Variants in SMG7 observed in about 807,000 individuals in gnomAD.
SMG7 encodes nonsense-mediated mRNA decay factor SMG7.
A neutral mutation model predicts 148.2 loss-of-function variants in SMG7; 34 were observed. The ratio of observed to expected loss-of-function variants is 0.23; its 90% CI spans 0.17 to 0.31. The LOEUF is 0.31. SMG7 is among the 10% of genes least tolerant of loss of function. SMG7 has a pLI of 1.00. For missense variants in SMG7, 1,114 were observed against 1,408.4 expected (o/e 0.79, Z 3.35); for synonymous variants, 492 against 515.1 (o/e 0.96, Z 0.61).
At chr1:183,541,175 C>T (rs570790457) in intron 13 of SMG7, 72 bp downstream of exon 13, 139 of 1,308,284 alleles carry the variant, frequency 1.1e-4, no homozygotes, top group Admixed American at 3.7e-4. Flanking sequence ...CACACGCGCG[C>T]GCACACACAC....
chr1:183,542,862 G>C (rs1669120711), intron 14 of SMG7, among the ~76,000 whole-genome samples: 1 of 150,902 alleles, frequency 6.6e-6, no homozygotes, highest in African/African-American at 2.4e-5. Flanking sequence ...TGTAGATCCA[G>C]TAGAACCAAG....
At chr1:183,475,476 T>C (rs1009269110) in intron 1 of SMG7, among the ~76,000 whole-genome samples, 1 of 152,246 alleles carries the variant, frequency 6.6e-6, no homozygotes, top group African/African-American at 2.4e-5. Flanking sequence ...GATGATTTGC[T>C]AGAATTAATA....
intron 1 of SMG7, among the ~76,000 whole-genome samples, chr1:183,479,699 G>A (rs2102055383): frequency 6.6e-6 from 1 of 152,270 alleles, no homozygotes; most frequent in South Asian, 2.1e-4. Flanking sequence ...CCGGGGTTAT[G>A]CCTTTGGCAA....
At chr1:183,516,717 T>C (rs770886567) in intron 3 of SMG7, among the ~76,000 whole-genome samples, 5 of 152,240 alleles carry the variant, frequency 3.3e-5, no homozygotes, top group Non-Finnish European at 5.9e-5. Flanking sequence ...CTGCCTTAGA[T>C]ACTTTATATT....
intron 1 of SMG7, among the ~76,000 whole-genome samples, chr1:183,507,918 T>C (rs1192827947): frequency 6.6e-6 from 1 of 152,226 alleles, no homozygotes; most frequent in Non-Finnish European, 1.5e-5. Context: ...TAATTTTTCC[T>C]ATTATTTAAT....
intron 13 of SMG7, 24 bp downstream of exon 13, chr1:183,541,127 C>T (rs1668742939): frequency 3.1e-6 from 5 of 1,608,154 alleles, no homozygotes; most frequent in South Asian, 2.2e-5. Flanking sequence ...TTCTGGTCTA[C>T]CCCTTTTTAA....
chr1:183,487,284 A>G (rs1448088231), intron 1 of SMG7, among the ~76,000 whole-genome samples: 2 of 152,042 alleles, frequency 1.3e-5, no homozygotes, highest in African/African-American at 4.8e-5. Flanking sequence ...CCATCTTCAA[A>G]GCCAGTAGTC....
Position 183,533,677 on chromosome 1 carries a change from G to A in SMG7, c.1008G>A (p.Met336Ile), listed in dbSNP as rs780505775. The A allele has an allele frequency of 1.9e-6, 3 of 1,588,210 alleles. No individual in the cohort carries two copies. In the Admixed American group the frequency reaches 5.5e-5, roughly 29 times the overall value. ...LCWTQLLALF[M>I]SFLGILCKCP... ...TTTTGAATACATTTTTTTTTCAAGTGTCTTTTCTTGGCATCCTGTGCAAGT... is the reference window on the plus strand; with the variant it reads ...TTTTGAATACATTTTTTTTTCAAGTATCTTTTCTTGGCATCCTGTGCAAGT... Residue 336 changes from methionine to isoleucine, a missense_variant and splice_region_variant, in exon 10 of 23, where the codon ATG becomes ATA. By Grantham distance (10) the Met-to-Ile change is conservative (BLOSUM62 1). Transcript: ENST00000688051.
chr1:183,498,752 G>T (rs1367788421), intron 1 of SMG7, among the ~76,000 whole-genome samples: 1 of 152,152 alleles, frequency 6.6e-6, no homozygotes, highest in Non-Finnish European at 1.5e-5. Flanking sequence ...AACTTACATT[G>T]ACACATCATA....
At chr1:183,539,507 A>G (rs1287815534) in intron 12 of SMG7, among the ~76,000 whole-genome samples, 3 of 152,124 alleles carry the variant, frequency 2.0e-5, no homozygotes, top group African/African-American at 7.2e-5. Context: ...TGTCTCTTGA[A>G]TGGTATGTCC....
At chr1:183,528,263 A>G (rs1457555843) in intron 6 of SMG7, among the ~76,000 whole-genome samples, 2 of 152,180 alleles carry the variant, frequency 1.3e-5, no homozygotes, top group East Asian at 1.9e-4. Flanking sequence ...GTAAAGCAAT[A>G]TAGATAGAAT....
chr1:183,519,358 A>C (rs999131952), intron 4 of SMG7, among the ~76,000 whole-genome samples: 2 of 151,988 alleles, frequency 1.3e-5, no homozygotes, highest in Admixed American at 1.3e-4. Flanking sequence ...TTTAGCAGCA[A>C]CCAAAAAGTT....
intron 1 of SMG7, among the ~76,000 whole-genome samples, chr1:183,476,432 T>A (rs184521588): frequency 2.0e-5 from 3 of 152,290 alleles, no homozygotes; most frequent in Admixed American, 6.5e-5. Flanking sequence ...AGCTGGGATG[T>A]CTGGCATTGA....
intron 1 of SMG7, chr1:183,502,150 C>A: frequency 2.8e-6 from 2 of 721,694 alleles, no homozygotes; most frequent in African/African-American, 1.8e-5. Context: ...TTTTCCTTTA[C>A]CTTTCACATG....
intron 1 of SMG7, among the ~76,000 whole-genome samples, chr1:183,479,760 G>A (rs949876189): frequency 6.6e-6 from 1 of 152,182 alleles, no homozygotes; most frequent in African/African-American, 2.4e-5. Context: ...AAGGTATTAT[G>A]TAAGTATAGG....
chr1:183,545,729 A>G (rs561845529), intron 16 of SMG7, among the ~76,000 whole-genome samples: 35 of 152,334 alleles, frequency 2.3e-4, no homozygotes, highest in African/African-American at 8.2e-4. Flanking sequence ...AAATATATTC[A>G]TTCATTCATT....
At position 183,505,087 on chromosome 1, in the gene SMG7, ACT is replaced by A. The variant is rs1457959183; in HGVS notation, c.30-7746_30-7745del. Among the ~76,000 whole-genome samples the A allele has an allele frequency of 2.7e-5, 4 of 149,426 alleles. No homozygotes were observed. In the East Asian group the frequency reaches 7.8e-4, roughly 29 times the overall value. On this transcript the variant is annotated intron_variant, in intron 1 of 22. Transcript: ENST00000688051. ...CCACCTTCTTTCCTTTATTCTAAACACTCTCAAGTGTCTCCCATTGGGAGAAG... is the reference window on the plus strand; with the variant it reads ...CCACCTTCTTTCCTTTATTCTAAACACTCAAGTGTCTCCCATTGGGAGAAG...
chr1:183,520,210 C>G (rs922794322), intron 4 of SMG7, among the ~76,000 whole-genome samples: 1 of 151,920 alleles, frequency 6.6e-6, no homozygotes, highest in African/African-American at 2.4e-5. Flanking sequence ...AATGGAAACA[C>G]AAAATGATTA....
chr1:183,500,003 T>TC (rs1659388273), intron 1 of SMG7, among the ~76,000 whole-genome samples: 1 of 152,124 alleles, frequency 6.6e-6, no homozygotes, highest in African/African-American at 2.4e-5. Flanking sequence ...CAGGGGTTGT[T>TC]GCAAAAAAAG....
Sources: allele counts gnomAD v4.1 joint callset (sites outside exome capture counted in the v4.1 genomes callset), GRCh38; gene constraint gnomAD v4.1.1; transcripts MANE v1.5; gene names NCBI Gene and HGNC (gene_info 2026-07-23, HGNC 2026-07-21).